CFAP44: variants seen among roughly 807,000 people sequenced by gnomAD.
The protein encoded by CFAP44 is cilia- and flagella-associated protein 44.
CFAP44 carries 134 observed loss-of-function variants against 216.2 expected under a neutral mutation model. That is an observed-to-expected ratio of 0.62 (90% confidence interval 0.54 to 0.72). The LOEUF (loss-of-function observed/expected upper bound fraction) is 0.72, where lower values mean the gene tolerates loss of function less well. Among genes scored for constraint, CFAP44 ranks in the 30% least tolerant of loss-of-function variants. CFAP44 has a pLI of 0.00. For synonymous variants in CFAP44, 700 were observed against 727.6 expected (o/e 0.96, Z 0.61); for missense variants, 2,035 against 2,182.1 (o/e 0.93, Z 1.34).
At chr3:113,392,481 A>G (rs1362477899) in intron 15 of CFAP44, among the ~76,000 whole-genome samples, 1 of 152,092 alleles carries the variant, frequency 6.6e-6, no homozygotes, top group Non-Finnish European at 1.5e-5. Flanking sequence ...AATGAATAAG[A>G]TATAGTATTT....
chr3:113,427,077 A>G (rs546451969), intron 3 of CFAP44, 110 bp downstream of exon 3: 12 of 1,181,102 alleles, frequency 1.0e-5, no homozygotes, highest in Non-Finnish European at 1.5e-5. Flanking sequence ...ATTCCCACAC[A>G]TATGTACATC....
At chr3:113,342,743 T>C (rs983771079) in intron 23 of CFAP44, among the ~76,000 whole-genome samples, 1 of 151,906 alleles carries the variant, frequency 6.6e-6, no homozygotes, top group Non-Finnish European at 1.5e-5. Flanking sequence ...CATAATCTTA[T>C]CACTTTGTAA....
chr3:113,406,842 CT>C (rs1249830278), intron 8 of CFAP44, 84 bp downstream of exon 8: 17 of 821,134 alleles, frequency 2.1e-5, no homozygotes, highest in Non-Finnish European at 3.9e-6. Context: ...ATTGGCAGAG[CT>C]TGTTAGAATT....
Position 113,367,933 on chromosome 3 carries a change from C to T in CFAP44, c.2445-1624G>A, listed in dbSNP as rs140520666. On this transcript the variant is annotated intron_variant, in intron 18 of 34. Transcript: ENST00000393845. ...GCTGAAAACCACAGGACGAGAACTTCGTGACGCATGCACAAGCTTCAATAG... is the reference window on the plus strand; with the variant it reads ...GCTGAAAACCACAGGACGAGAACTTTGTGACGCATGCACAAGCTTCAATAG... Among the ~76,000 whole-genome samples the T allele has an allele frequency of 1.3e-3, 204 of 152,244 alleles. 1 individual carries two copies. Among genetic ancestry groups the T allele is most frequent in the African/African-American group, 4.3e-3 (179 of 41,550 alleles).
chr3:113,418,233 G>A (rs1216833986), intron 5 of CFAP44, among the ~76,000 whole-genome samples: 1 of 151,890 alleles, frequency 6.6e-6, no homozygotes, highest in African/African-American at 2.4e-5. Flanking sequence ...GATTATAGGT[G>A]TGCACCACCA....
At chr3:113,399,755 T>C (rs1934092341) in intron 13 of CFAP44, 151 bp downstream of exon 13, 3 of 530,462 alleles carry the variant, frequency 5.7e-6, no homozygotes, top group Admixed American at 7.1e-5. Context: ...TGGTAAAGAT[T>C]TCTATTACAT....
intron 24 of CFAP44, among the ~76,000 whole-genome samples, chr3:113,340,764 AC>A (rs1950325493): frequency 6.6e-6 from 1 of 151,986 alleles, no homozygotes; most frequent in Non-Finnish European, 1.5e-5. Context: ...GCTCAATTAG[AC>A]CCCCTTCCTT....
intron 21 of CFAP44, 118 bp from the exon 22 acceptor site, chr3:113,358,993 C>T: frequency 1.7e-6 from 2 of 1,207,630 alleles, no homozygotes; most frequent in Non-Finnish European, 1.1e-6. Context: ...ATCATAAACT[C>T]TGTCCATTAC....
At chr3:113,342,491 T>C (rs1333065569) in intron 23 of CFAP44, among the ~76,000 whole-genome samples, 1 of 152,160 alleles carries the variant, frequency 6.6e-6, no homozygotes, top group Non-Finnish European at 1.5e-5. Context: ...ATAAGATATA[T>C]AATAAACAAT....
intron 4 of CFAP44, among the ~76,000 whole-genome samples, chr3:113,422,795 C>T (rs1234947693): frequency 1.3e-5 from 2 of 152,132 alleles, no homozygotes; most frequent in Non-Finnish European, 2.9e-5. Flanking sequence ...CTCTTCACTA[C>T]TTTAGATGAA....
chr3:113,312,911 G>A (rs1404759730), intron 28 of CFAP44, among the ~76,000 whole-genome samples: 1 of 152,176 alleles, frequency 6.6e-6, no homozygotes, highest in Admixed American at 6.5e-5. Context: ...GCAGAAGTTT[G>A]CTGCAGGGGT....
Position 113,427,342 on chromosome 3 carries a change from A to G in CFAP44, c.101-3T>C. 1.3e-6 allele frequency: 2 copies of G among 1,583,416 alleles called. No homozygotes were observed. Among genetic ancestry groups the G allele is most frequent in the East Asian group, 2.3e-5 (1 of 44,356 alleles). ...TGTGTTATCTTCTTGAACAGGAGCT[A>G]TTAAAATTTGTTTTAATAACTTCTA... On this transcript the variant is annotated splice_polypyrimidine_tract_variant and splice_region_variant and intron_variant, in intron 2 of 34. Transcript: ENST00000393845.
chr3:113,309,156 A>G (rs901253168), intron 28 of CFAP44, among the ~76,000 whole-genome samples: 1 of 152,152 alleles, frequency 6.6e-6, no homozygotes, highest in Non-Finnish European at 1.5e-5. Context: ...TATTTAGTCC[A>G]ATTCTAGCAA....
intron 34 of CFAP44, 56 bp downstream of exon 34, chr3:113,294,631 T>TACC: frequency 6.8e-7 from 1 of 1,466,676 alleles, no homozygotes; most frequent in Non-Finnish European, 8.9e-7. Flanking sequence ...TGTGAATAGC[T>TACC]ACCTTTGACA....
At position 113,420,097 on chromosome 3, in the gene CFAP44, G is replaced by T; in HGVS notation, c.490C>A (p.Gln164Lys). ...DSIAIYIAGN[Q>K]LIFLNLKTKE... ...GTTTTCAAATTCAGAAAGATCAGTT[G>T]GTTCCCAGCTATGTATATGGCGATA... Residue 164 changes from glutamine (Q) to lysine (K), a missense_variant, in exon 5 of 35, where the codon CAA (glutamine) becomes AAA (lysine). By Grantham distance (53) the Gln-to-Lys change is moderately conservative. Around this residue, in one of 3 missense-constraint regions of CFAP44, gnomAD observed 1,883 missense variants for 2,023.7 expected, o/e 0.93. Coordinates refer to ENST00000393845, the MANE Select transcript of CFAP44 (RefSeq NM_001164496.2). The T allele has an allele frequency of 1.9e-6, 3 of 1,613,956 alleles. No individual in the cohort carries two copies. The highest frequency in any genetic ancestry group is 2.5e-6 in the Non-Finnish European group (3 of 1,179,926).
At chr3:113,394,107 T>A (rs182370379) in intron 15 of CFAP44, among the ~76,000 whole-genome samples, 1 of 152,366 alleles carries the variant, frequency 6.6e-6, no homozygotes, top group East Asian at 1.9e-4. Context: ...CACATACCCT[T>A]CACTCAGTTT....
intron 18 of CFAP44, among the ~76,000 whole-genome samples, chr3:113,372,455 C>A (rs1476997793): frequency 1.3e-5 from 2 of 152,158 alleles, no homozygotes; most frequent in African/African-American, 4.8e-5. Flanking sequence ...TGGAAACCAT[C>A]ATTCTCAGCA....
chr3:113,370,833 A>G (rs1478004173), intron 18 of CFAP44, among the ~76,000 whole-genome samples: 1 of 152,048 alleles, frequency 6.6e-6, no homozygotes, highest in African/African-American at 2.4e-5. Flanking sequence ...AGAAAACCCC[A>G]CTGTCTCAGC....
At chr3:113,362,222 T>C (rs1950548106) in intron 21 of CFAP44, among the ~76,000 whole-genome samples, 2 of 152,042 alleles carry the variant, frequency 1.3e-5, no homozygotes, top group African/African-American at 2.4e-5. Flanking sequence ...TCTGATACAG[T>C]GTACCGGAGT....
Sources: gnomAD v4.1 joint callset for allele counts (sites outside exome capture counted in the v4.1 genomes callset) on GRCh38, gnomAD v4.1.1 for gene constraint, gnomAD v4.1.1 regional missense constraint, MANE v1.5 for transcripts, NCBI Gene and HGNC (gene_info 2026-07-23, HGNC 2026-07-21) for gene names.